Variants in CCDC171 observed in about 807,000 individuals in gnomAD.
CCDC171 encodes coiled-coil domain containing 171, also known as coiled-coil domain-containing protein 171.
A neutral mutation model predicts 168.2 loss-of-function variants in CCDC171; 177 were observed. That is an observed-to-expected ratio of 1.05 (90% confidence interval 0.93 to 1.19). CCDC171 has a LOEUF of 1.19. Among genes scored for constraint, CCDC171 ranks in the 50% most tolerant of loss-of-function variants. The probability of loss-of-function intolerance (pLI) is 0.00; values close to 1 mark genes in which losing one functional copy is unlikely to be tolerated. For synonymous variants in CCDC171, 687 were observed against 540.8 expected (o/e 1.27, Z -3.75); for missense variants, 1,991 against 1,539.0 (o/e 1.29, Z -4.91).
intron 16 of CCDC171, among the ~76,000 whole-genome samples, chr9:15,736,119 G>C (rs1377270612): frequency 6.6e-6 from 1 of 152,092 alleles, no homozygotes; most frequent in African/African-American, 2.4e-5. Flanking sequence ...TCTAGGGACA[G>C]GATTAGAAGA....
At chr9:16,038,659 T>C (rs139871998), upstream of CCDC171, among the ~76,000 whole-genome samples, 209 of 151,702 alleles carry the variant, frequency 1.4e-3, 3 homozygotes, top group East Asian at 0.039. Context: ...AAAGCAAAGA[T>C]CATATATAGC....
chr9:15,835,571 G>C (rs1216053280), intron 21 of CCDC171, among the ~76,000 whole-genome samples: 1 of 152,098 alleles, frequency 6.6e-6, no homozygotes, highest in Non-Finnish European at 1.5e-5. Flanking sequence ...GGGATTACAG[G>C]TGTGCGCTAC....
intron 18 of CCDC171, among the ~76,000 whole-genome samples, chr9:15,749,332 G>A (rs2055547692): frequency 6.6e-6 from 1 of 152,130 alleles, no homozygotes; most frequent in Non-Finnish European, 1.5e-5. Flanking sequence ...CAAGTTCTTA[G>A]AGACCTACAA....
At chr9:15,563,562 A>G (rs530943630) in intron 1 of CCDC171, among the ~76,000 whole-genome samples, 6 of 152,326 alleles carry the variant, frequency 3.9e-5, no homozygotes, top group Non-Finnish European at 7.3e-5. Flanking sequence ...ACGCTGTAGT[A>G]GGTGTTCAGT....
intron 24 of CCDC171, among the ~76,000 whole-genome samples, chr9:15,891,662 G>A (rs955506371): frequency 6.6e-6 from 1 of 152,112 alleles, no homozygotes; most frequent in Non-Finnish European, 1.5e-5. Flanking sequence ...AAATTGAAAG[G>A]CTCACTAACT....
intron 23 of CCDC171, among the ~76,000 whole-genome samples, chr9:15,864,518 G>A (rs1588908296): frequency 6.6e-6 from 1 of 151,968 alleles, no homozygotes. Context: ...CTGTCCAAGT[G>A]TTCTCATTGT....
chr9:15,993,242 C>G (rs563439180), intron 3 of CCDC171, among the ~76,000 whole-genome samples: 1 of 152,166 alleles, frequency 6.6e-6, no homozygotes, highest in East Asian at 1.9e-4. Flanking sequence ...GGTACCAAAA[C>G]AGAGATACAG....
At chr9:15,906,995 T>G (rs1472549091) in intron 24 of CCDC171, among the ~76,000 whole-genome samples, 3 of 151,872 alleles carry the variant, frequency 2.0e-5, no homozygotes, top group Non-Finnish European at 4.4e-5. Context: ...CACTGCTCAA[T>G]GAAATAAAAG....
chr9:15,916,435 T>A (rs1206492292), intron 24 of CCDC171, among the ~76,000 whole-genome samples: 1 of 151,986 alleles, frequency 6.6e-6, no homozygotes, highest in Non-Finnish European at 1.5e-5. Flanking sequence ...AAATGAAGTA[T>A]GTATATAATT....
chr9:16,064,825 G>A (rs1164347639), downstream of CCDC171, among the ~76,000 whole-genome samples: 3 of 152,102 alleles, frequency 2.0e-5, no homozygotes, highest in East Asian at 1.9e-4. Flanking sequence ...TCTACTTTAC[G>A]GCTGGGTCTA....
At chr9:15,885,091 TC>T in intron 24 of CCDC171, among the ~76,000 whole-genome samples, 1 of 152,348 alleles carries the variant, frequency 6.6e-6, no homozygotes, top group African/African-American at 2.4e-5. Flanking sequence ...TACTACTGTT[TC>T]CATATTTTGA....
chr9:16,101,091 A>G, the CCDC171 span, among the ~76,000 whole-genome samples: 1 of 152,208 alleles, frequency 6.6e-6, no homozygotes, highest in Non-Finnish European at 1.5e-5. Flanking sequence ...AAATAAGGCC[A>G]CAGAGGCCTT....
At chr9:15,645,648 T>A (rs1029498375) in intron 7 of CCDC171, among the ~76,000 whole-genome samples, 2 of 152,178 alleles carry the variant, frequency 1.3e-5, no homozygotes, top group Non-Finnish European at 2.9e-5. Flanking sequence ...AGGGTATCAG[T>A]GATTGAAGAT....
At chr9:15,807,402 G>A (rs1294265450) in intron 21 of CCDC171, among the ~76,000 whole-genome samples, 2 of 152,166 alleles carry the variant, frequency 1.3e-5, no homozygotes. Flanking sequence ...ACTTTATTCA[G>A]ATAAGCAGTT....
At chr9:15,917,304 T>C (rs558160169) in intron 24 of CCDC171, among the ~76,000 whole-genome samples, 4 of 152,000 alleles carry the variant, frequency 2.6e-5, no homozygotes, top group African/African-American at 9.6e-5. Context: ...TAGTATATTT[T>C]ATACATATTA....
chr9:15,855,396 T>C (rs2130878800), intron 23 of CCDC171, among the ~76,000 whole-genome samples: 1 of 151,962 alleles, frequency 6.6e-6, no homozygotes, highest in East Asian at 1.9e-4. Flanking sequence ...GCGTGGGCTA[T>C]CTTTTTCTGT....
At chr9:16,045,980 A>G (rs765510500) in intron 1 of CCDC171, among the ~76,000 whole-genome samples, 9 of 152,122 alleles carry the variant, frequency 5.9e-5, no homozygotes, top group Admixed American at 2.6e-4. Context: ...GAGGGAGGCA[A>G]TTTCCTTATG....
intron 4 of CCDC171, among the ~76,000 whole-genome samples, chr9:16,020,951 C>T: frequency 6.6e-6 from 1 of 152,216 alleles, no homozygotes; most frequent in African/African-American, 2.4e-5. Flanking sequence ...AAGTTCTTCT[C>T]ACAAGCTTAA....
At chr9:15,602,522 G>A (rs553232754) in intron 6 of CCDC171, among the ~76,000 whole-genome samples, 9 of 151,426 alleles carry the variant, frequency 5.9e-5, no homozygotes, top group Admixed American at 2.0e-4. Context: ...TTTCTTTCTT[G>A]GAGATTGGAG....
Sources: allele counts gnomAD v4.1 joint callset (sites outside exome capture counted in the v4.1 genomes callset), GRCh38; gene constraint gnomAD v4.1.1; transcripts MANE v1.5; gene names NCBI Gene and HGNC (gene_info 2026-07-23, HGNC 2026-07-21).